CCDC141: variants seen among roughly 807,000 people sequenced by gnomAD.
CCDC141 encodes the protein coiled-coil domain containing 141.
Under a neutral mutation model 181.0 loss-of-function variants are expected in CCDC141, and 168 were observed. The observed-to-expected ratio is 0.93, with a 90% CI of 0.82 to 1.05. CCDC141 has a LOEUF of 1.05. CCDC141 is among the 50% of genes least tolerant of loss of function. The pLI is 0.00. For missense variants in CCDC141, 1,902 were observed against 1,788.5 expected, an observed-to-expected ratio of 1.06 and a Z score of -1.14; for synonymous variants, 666 against 642.3, an observed-to-expected ratio of 1.04 and a Z score of -0.56.
rs191856183 is a variant in CCDC141 at position 178,860,258 on chromosome 2, A to G, written c.2725-3861T>C. Among the ~76,000 whole-genome samples the G allele has an allele frequency of 2.1e-3, 325 of 152,232 alleles. 2 individuals carry two copies. Among genetic ancestry groups the G allele is most frequent in the African/African-American group, 7.3e-3 (304 of 41,542 alleles). ...GACCCAAAAGTTCAAAATTTAACCC[A>G]AATCATTTGCTACAATTATCAATTA... is the stretch of plus-strand genomic sequence containing the variant. On this transcript the variant is annotated intron_variant, in intron 17 of 23. Transcript: ENST00000443758.
chr2:179,008,407 G>A (rs887877338), intron 2 of CCDC141, among the ~76,000 whole-genome samples: 6 of 152,124 alleles, frequency 3.9e-5, no homozygotes, highest in Non-Finnish European at 5.9e-5. Flanking sequence ...CATTTGGTAG[G>A]TGTCACGGGC....
the CCDC141 span, chr2:178,817,714 TAC>T: frequency 2.9e-6 from 1 of 344,476 alleles, no homozygotes; most frequent in Admixed American, 3.7e-5. Context: ...GTTGCTAAGA[TAC>T]ACATGTGTAA....
rs1685260692 is a variant in CCDC141, at chr2:178,853,603, C to T, written c.3082G>A (p.Ala1028Thr). ...IEECHFWYED[A>T]SATVVRVGKY... ...CCAACTCTTACAACTGTGGCACTTG[C>T]ATCTTCGTACCAAAAATGACACTAA... Residue 1028 changes from alanine (A) to threonine (T), a missense_variant, in exon 20 of 24, where the codon GCA (alanine) becomes ACA (threonine). Transcript: ENST00000443758. 6.2e-7 allele frequency: 1 copy of T among 1,612,236 alleles called. No individual in the cohort carries two copies. The highest frequency in any genetic ancestry group is 1.3e-5 in the African/African-American group (1 of 74,814).
chr2:178,817,075 G>T, the CCDC141 span, among the ~76,000 whole-genome samples: 1 of 152,174 alleles, frequency 6.6e-6, no homozygotes, highest in African/African-American at 2.4e-5. Context: ...ATATTCACAT[G>T]GGTTATGGAT....
At chr2:178,818,043 T>A in the CCDC141 span, among the ~76,000 whole-genome samples, 4 of 152,258 alleles carry the variant, frequency 2.6e-5, no homozygotes, top group African/African-American at 9.6e-5. Context: ...CCTTAGGTGA[T>A]CCACTCCCTT....
At chr2:178,860,752 G>T (rs1223557704) in intron 17 of CCDC141, among the ~76,000 whole-genome samples, 1 of 151,584 alleles carries the variant, frequency 6.6e-6, no homozygotes. Context: ...TTGTGCTTGA[G>T]GCCAGCCGCT....
intron 6 of CCDC141, among the ~76,000 whole-genome samples, chr2:178,936,457 G>A (rs1045226171): frequency 2.0e-5 from 3 of 151,906 alleles, no homozygotes; most frequent in Admixed American, 6.6e-5. Context: ...TGGTCTATGT[G>A]CTTGTTTTTG....
chr2:178,861,323 T>A (rs111811962), intron 17 of CCDC141, among the ~76,000 whole-genome samples: 1 of 152,084 alleles, frequency 6.6e-6, no homozygotes, highest in Non-Finnish European at 1.5e-5. Context: ...CACATCACCA[T>A]GCTCGGCTAA....
chr2:178,920,615 C>T (rs774540811), intron 6 of CCDC141, among the ~76,000 whole-genome samples: 20 of 151,846 alleles, frequency 1.3e-4, no homozygotes, highest in Non-Finnish European at 2.2e-4. Context: ...TCCAGCTACT[C>T]GGTGGGGCTG....
intron 7 of CCDC141, among the ~76,000 whole-genome samples, chr2:178,909,058 C>A (rs971339748): frequency 6.6e-6 from 1 of 152,184 alleles, no homozygotes; most frequent in African/African-American, 2.4e-5. Context: ...ACTCTCAAAT[C>A]CTCAGGCATT....
chr2:178,988,957 G>C (rs1383503465), intron 2 of CCDC141, among the ~76,000 whole-genome samples: 1 of 151,970 alleles, frequency 6.6e-6, no homozygotes, highest in Non-Finnish European at 1.5e-5. Context: ...ACATGTAAAA[G>C]AATAAAATTG....
At chr2:178,926,394 T>C (rs1156608345) in intron 6 of CCDC141, 2 of 152,244 alleles carry the variant, frequency 1.3e-5, no homozygotes, top group African/African-American at 4.8e-5. Context: ...AATTACATTA[T>C]TGGATTAATG....
At chr2:178,992,522 C>T (rs1692104914) in intron 2 of CCDC141, among the ~76,000 whole-genome samples, 5 of 151,924 alleles carry the variant, frequency 3.3e-5, no homozygotes, top group Admixed American at 3.3e-4. Context: ...TTATTGTTCC[C>T]AGTTATTTGC....
intron 7 of CCDC141, among the ~76,000 whole-genome samples, chr2:178,907,681 CAACAAAATGTTGA>C (rs1688032828): frequency 3.3e-5 from 5 of 152,086 alleles, no homozygotes; most frequent in African/African-American, 1.2e-4. Context: ...GAGCCAAGTG[CAACAAAATGTTGA>C]TGTTAGAAAA....
At chr2:178,989,026 T>G (rs1691898191) in intron 2 of CCDC141, among the ~76,000 whole-genome samples, 1 of 152,214 alleles carries the variant, frequency 6.6e-6, no homozygotes, top group Admixed American at 6.5e-5. Flanking sequence ...GATCTCAATG[T>G]AAAAGCTAAA....
chr2:178,892,615 C>G (rs569606047), intron 8 of CCDC141, among the ~76,000 whole-genome samples: 2 of 152,154 alleles, frequency 1.3e-5, no homozygotes, highest in Non-Finnish European at 2.9e-5. Flanking sequence ...TTTGAAAGTT[C>G]TGAAACATTT....
chr2:178,985,963 T>A (rs1217495820), intron 2 of CCDC141, among the ~76,000 whole-genome samples: 1 of 152,106 alleles, frequency 6.6e-6, no homozygotes, highest in Non-Finnish European at 1.5e-5. Context: ...CCTAACTCAT[T>A]TTATGAGGCC....
chr2:179,003,744 C>T (rs985268799), intron 2 of CCDC141, among the ~76,000 whole-genome samples: 1 of 152,110 alleles, frequency 6.6e-6, no homozygotes, highest in Admixed American at 6.6e-5. Flanking sequence ...ATCATGATAG[C>T]TTGCAATGAC....
intron 2 of CCDC141, among the ~76,000 whole-genome samples, chr2:179,005,315 A>T (rs550151533): frequency 0.11 from 607 of 5,588 alleles, 4 homozygotes; most frequent in African/African-American, 0.12. Flanking sequence ...TGGAGAATTT[A>T]AAAAAAAAGG....
Sources: gnomAD v4.1 joint callset for allele counts (sites outside exome capture counted in the v4.1 genomes callset) on GRCh38, gnomAD v4.1.1 for gene constraint, MANE v1.5 for transcripts, NCBI Gene and HGNC (gene_info 2026-07-23, HGNC 2026-07-21) for gene names.